The following TBC1D22A variants were observed in gnomAD, a reference collection of about 807,000 sequenced individuals.
TBC1D22A encodes the protein TBC1 domain family member 22A, also known as putative GTPase activator.
In TBC1D22A, 38 loss-of-function variants were observed where a neutral mutation model predicts 60.2. That is an observed-to-expected ratio of 0.63 (90% confidence interval 0.49 to 0.83). The LOEUF is 0.83. TBC1D22A is among the 40% of genes least tolerant of loss of function. The pLI is 0.00. For missense variants in TBC1D22A, 628 were observed against 701.0 expected (o/e 0.90, Z 1.18); for synonymous variants, 302 against 281.7 (o/e 1.07, Z -0.72).
intron 7 of TBC1D22A, among the ~76,000 whole-genome samples, chr22:46,895,653 T>C (rs2068634409): frequency 6.6e-6 from 1 of 152,246 alleles, no homozygotes. Flanking sequence ...ATTACAGGTG[T>C]GAGCCACGGC....
chr22:47,058,773 G>C (rs1313844795), intron 11 of TBC1D22A, among the ~76,000 whole-genome samples: 1 of 152,096 alleles, frequency 6.6e-6, no homozygotes, highest in East Asian at 1.9e-4. Context: ...CCAGCGCTCA[G>C]AACAGCTTCT....
At chr22:46,836,418 C>T (rs1308831930) in intron 4 of TBC1D22A, among the ~76,000 whole-genome samples, 2 of 151,980 alleles carry the variant, frequency 1.3e-5, no homozygotes, top group Non-Finnish European at 2.9e-5. Flanking sequence ...ATGGTTAGCA[C>T]TATGCATTTT....
At chr22:46,850,761 C>T (rs767610713) in intron 4 of TBC1D22A, among the ~76,000 whole-genome samples, 1 of 152,142 alleles carries the variant, frequency 6.6e-6, no homozygotes, top group Non-Finnish European at 1.5e-5. Flanking sequence ...TTTATAGCAG[C>T]ATTTTCCATA....
intron 4 of TBC1D22A, among the ~76,000 whole-genome samples, chr22:46,876,917 G>C (rs1025243826): frequency 6.6e-6 from 1 of 152,218 alleles, no homozygotes; most frequent in Non-Finnish European, 1.5e-5. Flanking sequence ...ACCCCATTCA[G>C]CATGTGGGTA....
chr22:46,955,019 A>G (rs901621807), intron 8 of TBC1D22A, among the ~76,000 whole-genome samples: 1 of 152,212 alleles, frequency 6.6e-6, no homozygotes, highest in Non-Finnish European at 1.5e-5. Flanking sequence ...TAATAGTTGA[A>G]TAATAAGACG....
intron 12 of TBC1D22A, among the ~76,000 whole-genome samples, chr22:47,168,131 T>C (rs1311580936): frequency 6.6e-6 from 1 of 152,248 alleles, no homozygotes; most frequent in African/African-American, 2.4e-5. Context: ...CGACGTTCAC[T>C]GCCCAGCAAA....
At chr22:46,879,958 G>C (rs1041238709) in intron 5 of TBC1D22A, among the ~76,000 whole-genome samples, 1 of 152,216 alleles carries the variant, frequency 6.6e-6, no homozygotes, top group East Asian at 1.9e-4. Flanking sequence ...GAGCACAAGG[G>C]GAGGTGACAG....
chr22:46,781,117 C>T (rs1287566795), intron 1 of TBC1D22A, among the ~76,000 whole-genome samples: 1 of 150,532 alleles, frequency 6.6e-6, no homozygotes, highest in African/African-American at 2.4e-5. Flanking sequence ...TGCTCTTCTC[C>T]CTGGAGGTGC....
intron 9 of TBC1D22A, among the ~76,000 whole-genome samples, chr22:46,995,054 C>T (rs1394934018): frequency 2.0e-5 from 3 of 152,260 alleles, no homozygotes; most frequent in Admixed American, 1.3e-4. Context: ...GCAGCTCCTT[C>T]AGGGCCTAAA....
chr22:47,171,120 C>G (rs1359005003), intron 12 of TBC1D22A, among the ~76,000 whole-genome samples: 1 of 152,198 alleles, frequency 6.6e-6, no homozygotes, highest in Non-Finnish European at 1.5e-5. Context: ...ATCCTTATCT[C>G]CAGATGAAGA....
At chr22:47,083,500 G>A (rs897043512) in intron 11 of TBC1D22A, among the ~76,000 whole-genome samples, 8 of 152,086 alleles carry the variant, frequency 5.3e-5, no homozygotes, top group African/African-American at 1.9e-4. Context: ...AAATGGTCAC[G>A]GTTCTCCCCA....
chr22:46,968,630 TG>T (rs1269982567), intron 8 of TBC1D22A, among the ~76,000 whole-genome samples: 2 of 151,746 alleles, frequency 1.3e-5, no homozygotes, highest in African/African-American at 4.8e-5. Context: ...CGGTCCTGAG[TG>T]GGCAGGCGTC....
At chr22:47,147,307 G>A (rs750835404) in intron 12 of TBC1D22A, among the ~76,000 whole-genome samples, 9 of 152,208 alleles carry the variant, frequency 5.9e-5, no homozygotes, top group African/African-American at 1.9e-4. Flanking sequence ...ATTCCTCCCC[G>A]TAAAAGGTGT....
At chr22:47,021,967 G>A (rs955670268) in intron 10 of TBC1D22A, among the ~76,000 whole-genome samples, 1 of 152,158 alleles carries the variant, frequency 6.6e-6, no homozygotes, top group Non-Finnish European at 1.5e-5. Context: ...GTGGCTTACA[G>A]TGAGGGTCTC....
In TBC1D22A at chr22:47,053,374, C is replaced by A. The variant is rs563888166; in HGVS notation, c.1329+16176C>A. On this transcript the variant is annotated intron_variant, in intron 11 of 12. Coordinates refer to ENST00000337137, the MANE Select transcript of TBC1D22A (RefSeq NM_014346.5). ...AGCCTGGGGGCTTTGCTATCCCAGTCCCCCTTGGTAGGGCACCCCCTCCTC... is the reference window on the plus strand; with the variant it reads ...AGCCTGGGGGCTTTGCTATCCCAGTACCCCTTGGTAGGGCACCCCCTCCTC... Among the ~76,000 whole-genome samples, 6 of 152,346 alleles carry A rather than the reference C, an allele frequency of 3.9e-5. No homozygotes were observed. The South Asian group carries it at 1.2e-3, about 32-fold the overall frequency.
intron 9 of TBC1D22A, among the ~76,000 whole-genome samples, chr22:46,984,315 C>T (rs942403313): frequency 6.2e-5 from 8 of 129,212 alleles, no homozygotes; most frequent in South Asian, 2.5e-4. Context: ...TGCAGTGAGC[C>T]GAGATCGAGC....
intron 12 of TBC1D22A, among the ~76,000 whole-genome samples, chr22:47,160,975 C>T (rs2067958990): frequency 6.6e-6 from 1 of 152,072 alleles, no homozygotes; most frequent in East Asian, 1.9e-4. Context: ...GCTCCCTGAG[C>T]CTTTCTCAGT....
chr22:46,860,613 T>C lies in TBC1D22A; in HGVS notation c.638-18040T>C, dbSNP rs563168763. Among the ~76,000 whole-genome samples the C allele has an allele frequency of 2.0e-5, 3 of 150,750 alleles. No individual in the cohort carries two copies. In the East Asian group the frequency reaches 5.9e-4, roughly 30 times the overall value. On this transcript the variant is annotated intron_variant, in intron 4 of 12. Transcript: ENST00000337137. ...TCCCGGGACCAGAATCCTTTTTTGA[T>C]AGAGGTCCGCGCAGTGCTGTGCCCC...
chr22:47,169,311 T>C lies in TBC1D22A; in HGVS notation c.1426-4187T>C, dbSNP rs181619107. Among the ~76,000 whole-genome samples the C allele has an allele frequency of 3.6e-3, 545 of 152,254 alleles. 1 individual carries two copies. Among genetic ancestry groups the C allele is most frequent in the African/African-American group, 0.013 (527 of 41,536 alleles). On this transcript the variant is annotated intron_variant, in intron 12 of 12. Coordinates refer to ENST00000337137, the MANE Select transcript of TBC1D22A (RefSeq NM_014346.5). ...AAGCGTGAGCAACTCTGTCCACTCT[T>C]GTGATTCATGATGTGTCCGAGAGTG... is the stretch of plus-strand genomic sequence containing the variant.
Sources: gnomAD v4.1 joint callset for allele counts (sites outside exome capture counted in the v4.1 genomes callset) on GRCh38, gnomAD v4.1.1 for gene constraint, MANE v1.5 for transcripts, NCBI Gene and HGNC (gene_info 2026-07-23, HGNC 2026-07-21) for gene names.